TTLL7: variants seen among roughly 807,000 people sequenced by gnomAD.
TTLL7 encodes tubulin polyglutamylase TTLL7.
TTLL7 carries 53 observed loss-of-function variants against 120.2 expected under a neutral mutation model. That is an observed-to-expected ratio of 0.44 (90% CI 0.35 to 0.55). The LOEUF is 0.55. Among genes scored for constraint, TTLL7 ranks in the 20% least tolerant of loss-of-function variants. The pLI is 0.00. For synonymous variants in TTLL7, 353 were observed against 351.7 expected (o/e 1.00, Z -0.04); for missense variants, 803 against 1,054.7 (o/e 0.76, Z 3.31).
chr1:83,869,785 A>G lies in TTLL7; in HGVS notation c.*177T>C. 1 of 422,088 alleles carries G rather than the reference A, an allele frequency of 2.4e-6. No homozygotes were observed. The highest frequency in any genetic ancestry group is 3.8e-6 in the Non-Finnish European group (1 of 260,242). 26.1% of individuals were successfully genotyped at this position (422,088 alleles called of 1,614,324 possible). A position where few individuals can be genotyped will look rare whatever the true frequency, so the allele number is the denominator to read the frequency against. Reference sequence around the variant, plus strand: ...TTTTCTGCTAATTCTTCTTTCATATATCATTTAATATAATAAATATATGTT... The same window carrying G: ...TTTTCTGCTAATTCTTCTTTCATATGTCATTTAATATAATAAATATATGTT... On this transcript the variant is annotated 3_prime_UTR_variant, in exon 21 of 21. Transcript: ENST00000260505.
intron 18 of TTLL7, among the ~76,000 whole-genome samples, chr1:83,903,270 C>G (rs1656880076): frequency 6.6e-6 from 1 of 152,004 alleles, no homozygotes; most frequent in Admixed American, 6.6e-5. Context: ...GTGCCTTGCT[C>G]TGCTTCATAT....
intron 8 of TTLL7, among the ~76,000 whole-genome samples, chr1:83,934,238 G>T (rs1647208873): frequency 2.0e-5 from 3 of 152,256 alleles, no homozygotes; most frequent in South Asian, 4.1e-4. Flanking sequence ...GCATTTAGTA[G>T]ATATTCAAGT....
intron 1 of TTLL7, among the ~76,000 whole-genome samples, chr1:83,957,799 T>G (rs577526486): frequency 6.6e-6 from 1 of 152,180 alleles, no homozygotes; most frequent in Non-Finnish European, 1.5e-5. Context: ...CCCAAGGACA[T>G]AGTGAGAAGG....
At chr1:83,975,822 T>G (rs1429258642) in intron 1 of TTLL7, among the ~76,000 whole-genome samples, 1 of 152,122 alleles carries the variant, frequency 6.6e-6, no homozygotes, top group East Asian at 1.9e-4. Context: ...TATTCTAATG[T>G]ACTTTCTACT....
At position 83,955,231 on chromosome 1, in the gene TTLL7, A is replaced by G. The variant is rs188105257; in HGVS notation, c.-176-2844T>C. On this transcript the variant is annotated intron_variant, in intron 1 of 20. Transcript: ENST00000260505. ...TTACCCTTATCATAATCACCTGCCAAAAAGATGGTTTTCTTCTATCTTGTT... is the reference window on the plus strand; with the variant it reads ...TTACCCTTATCATAATCACCTGCCAGAAAGATGGTTTTCTTCTATCTTGTT... Among the ~76,000 whole-genome samples the G allele has an allele frequency of 8.5e-4, 129 of 152,260 alleles. 1 individual carries two copies. Among genetic ancestry groups the G allele is most frequent in the Admixed American group, 6.7e-3 (102 of 15,296 alleles).
chr1:83,875,580 G>C (rs1653854696), intron 20 of TTLL7, among the ~76,000 whole-genome samples: 1 of 151,846 alleles, frequency 6.6e-6, no homozygotes, highest in Non-Finnish European at 1.5e-5. Context: ...GGCTTTAGAT[G>C]TAACACCAAA....
intron 1 of TTLL7, among the ~76,000 whole-genome samples, chr1:83,983,201 G>A (rs535559404): frequency 1.2e-4 from 19 of 152,102 alleles, no homozygotes; most frequent in African/African-American, 4.1e-4. Flanking sequence ...GCATGGTGGC[G>A]CACACTGTAG....
At chr1:83,920,938 T>C (rs367610649) in intron 12 of TTLL7, 149 bp downstream of exon 12, 1 of 831,982 alleles carries the variant, frequency 1.2e-6, no homozygotes, top group South Asian at 1.9e-5. Context: ...CCCTGCTGAC[T>C]ACCTTTCTTT....
chr1:83,883,100 C>T lies in TTLL7; in HGVS notation c.2406G>A (p.Glu802=), dbSNP rs1429361765. The T allele has an allele frequency of 1.2e-6, 2 of 1,610,346 alleles. No individual in the cohort carries two copies. Among genetic ancestry groups the T allele is most frequent in the Admixed American group, 1.7e-5 (1 of 59,358 alleles). The change falls in exon 20 of 21, where the codon GAG becomes GAA. Residue 802 remains glutamate (E), a synonymous_variant. Transcript: ENST00000260505. ...ACTGGAGCTGCAAAGGAGTCACCAC[C>T]TCCGGGCTTTTATTGAATATACTCT... The part of the protein sequence containing the change: ...SWESIFNKSP[E]VVTPLQLQCC...
chr1:83,998,806 G>C (rs919366797), intron 1 of TTLL7, 125 bp downstream of exon 1: 2 of 300,808 alleles, frequency 6.6e-6, no homozygotes, highest in African/African-American at 2.4e-5. Flanking sequence ...CTCCCAGCGG[G>C]GACGGTGTCC....
Position 83,975,240 on chromosome 1 carries a change from T to C in TTLL7, c.-176-22853A>G, listed in dbSNP as rs185851944. 2.2e-3 allele frequency among the ~76,000 whole-genome samples: 340 copies of C among 152,224 alleles called. 1 individual carries two copies. The highest frequency in any genetic ancestry group is 3.8e-3 in the Non-Finnish European group (256 of 67,946). On this transcript the variant is annotated intron_variant, in intron 1 of 20. Coordinates refer to ENST00000260505, the MANE Select transcript of TTLL7 (RefSeq NM_024686.6). ...CAAAAGGAGCTTTAAGAAATACTGA[T>C]ACCTGGCTCCCAGCCCCAAACTTTC...
chr1:83,881,302 G>A (rs1047967942), intron 20 of TTLL7, among the ~76,000 whole-genome samples: 2 of 150,084 alleles, frequency 1.3e-5, no homozygotes, highest in African/African-American at 4.9e-5. Context: ...GAGTGAACAG[G>A]CAACCTACAA....
At chr1:83,954,026 C>T (rs775046796) in intron 1 of TTLL7, among the ~76,000 whole-genome samples, 58 of 152,266 alleles carry the variant, frequency 3.8e-4, no homozygotes, top group Non-Finnish European at 7.6e-4. Flanking sequence ...AGTTCAGTTT[C>T]TTTCTGGAGG....
At chr1:83,871,646 A>C (rs1653408394) in intron 20 of TTLL7, among the ~76,000 whole-genome samples, 1 of 152,156 alleles carries the variant, frequency 6.6e-6, no homozygotes, top group African/African-American at 2.4e-5. Context: ...CTGTAATCCC[A>C]GCACTTTGGG....
At chr1:83,996,931 T>C (rs1653537187) in intron 1 of TTLL7, among the ~76,000 whole-genome samples, 1 of 151,960 alleles carries the variant, frequency 6.6e-6, no homozygotes, top group Non-Finnish European at 1.5e-5. Flanking sequence ...AGTTCTGCTG[T>C]CCCCCTTAGG....
intron 1 of TTLL7, among the ~76,000 whole-genome samples, chr1:83,992,939 A>G (rs1312868837): frequency 6.6e-6 from 1 of 152,138 alleles, no homozygotes; most frequent in Non-Finnish European, 1.5e-5. Context: ...GATTTTCAGC[A>G]ATCATTATGA....
rs183055738 is a variant in TTLL7, at chr1:83,921,421, T to G, written c.1143-27A>C. 2.7e-5 allele frequency: 43 copies of G among 1,606,456 alleles called. No homozygotes were observed. In the East Asian group the frequency reaches 8.9e-4, roughly 33 times the overall value. On this transcript the variant is annotated intron_variant, in intron 10 of 20. Coordinates refer to ENST00000260505, the MANE Select transcript of TTLL7 (RefSeq NM_024686.6). The stretch of plus-strand genomic sequence containing the variant: ...TAAAATATAAAACATAAGACCATAT[T>G]CTAGAACTCGAACAAGTTCTGATCT...
chr1:83,991,778 T>C (rs1010195079), intron 1 of TTLL7, among the ~76,000 whole-genome samples: 1 of 152,178 alleles, frequency 6.6e-6, no homozygotes, highest in African/African-American at 2.4e-5. Flanking sequence ...TGAACTATAT[T>C]ATCAGGTAAT....
intron 5 of TTLL7, among the ~76,000 whole-genome samples, chr1:83,948,184 A>AAC (rs35199174): frequency 0.048 from 7,096 of 147,080 alleles, 262 homozygotes; most frequent in African/African-American, 0.11. Flanking sequence ...GACACACACA[A>AAC]ACACACACAC....
Sources: gnomAD v4.1 joint callset for allele counts (sites outside exome capture counted in the v4.1 genomes callset) on GRCh38, gnomAD v4.1.1 for gene constraint, MANE v1.5 for transcripts, NCBI Gene and HGNC (gene_info 2026-07-23, HGNC 2026-07-21) for gene names.